The following RREB1 variants were observed in gnomAD, a reference collection of about 807,000 sequenced individuals.
RREB1 encodes ras-responsive element-binding protein 1.
RREB1 carries 27 observed loss-of-function variants against 117.8 expected under a neutral mutation model. That is an observed-to-expected ratio of 0.23 (90% CI 0.17 to 0.32). The LOEUF is 0.32. RREB1 is among the 10% of genes least tolerant of loss of function. RREB1 has a pLI of 1.00. For missense variants in RREB1, 2,577 were observed against 2,378.2 expected, an observed-to-expected ratio of 1.08 and a Z score of -1.74; for synonymous variants, 1,298 against 1,026.7, an observed-to-expected ratio of 1.26 and a Z score of -5.05.
At chr6:7,241,124 A>G (rs1768681145) in intron 11 of RREB1, among the ~76,000 whole-genome samples, 1 of 152,068 alleles carries the variant, frequency 6.6e-6, no homozygotes, top group African/African-American at 2.4e-5. Context: ...TGTTTGAAAA[A>G]GCACTGTGCA....
At chr6:7,221,833 A>G (rs977564548) in intron 8 of RREB1, among the ~76,000 whole-genome samples, 2 of 152,328 alleles carry the variant, frequency 1.3e-5, no homozygotes, top group Middle Eastern at 3.4e-3. Context: ...AGAAGAGAGA[A>G]CATGTTCCTT....
intron 1 of RREB1, among the ~76,000 whole-genome samples, chr6:7,123,043 C>T (rs1581412131): frequency 6.6e-6 from 1 of 152,104 alleles, no homozygotes; most frequent in Non-Finnish European, 1.5e-5. Flanking sequence ...TGGTGTTGCC[C>T]CTCGGGTCCC....
rs767414567 is a variant in RREB1, at chr6:7,229,481, G to A, written c.1382G>A (p.Gly461Asp). ...DSSIVVKPIS[G>D]ESAIELADIQ... ...AGCATTGTGGTCAAGCCCATCTCTG[G>A]CGAGTCGGCCATCGAGCTGGCAGAC... The change falls in exon 10 of 13, where the codon GGC becomes GAC. Residue 461 changes from glycine (G) to aspartate (D), a missense_variant. Coordinates refer to ENST00000379938, the MANE Select transcript of RREB1 (RefSeq NM_001003699.4). The surrounding 1 kb of genome is among the most constrained non-coding windows in gnomAD (Gnocchi z 4.5). The A allele has an allele frequency of 6.2e-7, 1 of 1,614,158 alleles. No individual in the cohort carries two copies.
At position 7,229,498 on chromosome 6, in the gene RREB1, C is replaced by T. The variant is rs777888709; in HGVS notation, c.1399C>T (p.Leu467=). The change falls in exon 10 of 13, where the codon CTG becomes TTG. Residue 467 remains leucine, a synonymous_variant. Coordinates refer to ENST00000379938, the MANE Select transcript of RREB1 (RefSeq NM_001003699.4). The surrounding 1 kb of genome is among the most constrained non-coding windows in gnomAD (Gnocchi z 4.5). ...CATCTCTGGCGAGTCGGCCATCGAG[C>T]TGGCAGACATCCAGCAAATTCTGAA... The part of the protein sequence containing the change: ...KPISGESAIE[L]ADIQQILKMA... The T allele has an allele frequency of 1.2e-5, 19 of 1,614,192 alleles. No homozygotes were observed. In the South Asian group the frequency reaches 2.1e-4, roughly 18 times the overall value.
At chr6:7,161,083 G>A (rs936854456) in intron 1 of RREB1, among the ~76,000 whole-genome samples, 4 of 151,824 alleles carry the variant, frequency 2.6e-5, no homozygotes, top group African/African-American at 7.3e-5. Context: ...CTCTCGCCTC[G>A]GCCTTGCAAA....
intron 4 of RREB1, 141 bp downstream of exon 4, chr6:7,182,223 A>G (rs1006778132): frequency 2.8e-6 from 2 of 715,760 alleles, no homozygotes; most frequent in African/African-American, 3.6e-5. Flanking sequence ...TCATTTTTCA[A>G]GGGCAAAATT....
intron 10 of RREB1, among the ~76,000 whole-genome samples, chr6:7,236,320 C>T (rs567608075): frequency 6.4e-4 from 98 of 152,284 alleles, no homozygotes; most frequent in Non-Finnish European, 1.2e-3. Flanking sequence ...CTTACTTTCT[C>T]ATGGGTGCTT....
At chr6:7,210,746 A>C (rs926016344) in intron 6 of RREB1, 58 bp from the exon 7 acceptor site, 1 of 1,500,692 alleles carries the variant, frequency 6.7e-7, no homozygotes, top group African/African-American at 1.4e-5. Context: ...AATATTAAAA[A>C]CATAAATGAA....
intron 1 of RREB1, among the ~76,000 whole-genome samples, chr6:7,142,372 C>T (rs1192879140): frequency 2.0e-5 from 3 of 152,200 alleles, no homozygotes; most frequent in African/African-American, 4.8e-5. Context: ...CCGGGTGCGT[C>T]CCCCCGCAAA....
Position 7,231,806 on chromosome 6 carries a change from G to A in RREB1, c.3707G>A (p.Arg1236Gln), listed in dbSNP as rs374868150. Residue 1236 changes from arginine to glutamine, a missense_variant, in exon 10 of 13, where the codon CGG (arginine) becomes CAG (glutamine). Coordinates refer to ENST00000379938, the MANE Select transcript of RREB1 (RefSeq NM_001003699.4). ...GAAGACAAGCTGCTGAGGGCCAAGCGGAACTCGTACACCAACTGCCTGCAG... is the reference window on the plus strand; with the variant it reads ...GAAGACAAGCTGCTGAGGGCCAAGCAGAACTCGTACACCAACTGCCTGCAG... ...PPEDKLLRAK[R>Q]NSYTNCLQKI... 7.9e-5 allele frequency: 128 copies of A among 1,613,652 alleles called. No individual in the cohort carries two copies. The highest frequency in any genetic ancestry group is 9.4e-5 in the Non-Finnish European group (111 of 1,180,012).
At chr6:7,200,410 C>T (rs1262755572) in intron 6 of RREB1, among the ~76,000 whole-genome samples, 1 of 151,806 alleles carries the variant, frequency 6.6e-6, no homozygotes, top group Non-Finnish European at 1.5e-5. Flanking sequence ...GCTGGGATAA[C>T]AGGCATGCGC....
In RREB1 at chr6:7,242,711, G is replaced by A. The variant is rs200894075; in HGVS notation, c.3973+2109G>A. 4.6e-5 allele frequency among the ~76,000 whole-genome samples: 7 copies of A among 150,696 alleles called. No individual in the cohort carries two copies. In the East Asian group the frequency reaches 1.4e-3, roughly 29 times the overall value. ...ACCACTTAAAAAAAAGGGGGGGGGG[G>A]AAGGAAATGACCAAGGAGGTCCTTG... On this transcript the variant is annotated intron_variant, in intron 11 of 12. Coordinates refer to ENST00000379938, the MANE Select transcript of RREB1 (RefSeq NM_001003699.4).
chr6:7,168,923 A>T lies in RREB1; in HGVS notation c.-284-7732A>T, dbSNP rs1250808117. On this transcript the variant is annotated intron_variant, in intron 1 of 12. Coordinates refer to ENST00000379938, the MANE Select transcript of RREB1 (RefSeq NM_001003699.4). Reference sequence around the variant, plus strand: ...TAGCAAATAACCTAATCATTACCTTACAAGATGTGGGGGAGGATTAAATAT... The same window carrying T: ...TAGCAAATAACCTAATCATTACCTTTCAAGATGTGGGGGAGGATTAAATAT... 4.1e-5 allele frequency among the ~76,000 whole-genome samples: 6 copies of T among 148,122 alleles called. No homozygotes were observed. In the East Asian group the frequency reaches 9.6e-4, roughly 24 times the overall value.
chr6:7,158,862 ACT>A (rs1181351342), intron 1 of RREB1, among the ~76,000 whole-genome samples: 4 of 150,592 alleles, frequency 2.7e-5, no homozygotes, highest in Admixed American at 2.7e-4. Flanking sequence ...TTTTTTTCAG[ACT>A]CTTTTTTTTT....
Position 7,229,386 on chromosome 6 carries a change from G to A in RREB1, c.1287G>A (p.Ala429=), listed in dbSNP as rs12192672. The change falls in exon 10 of 13, where the codon GCG becomes GCA. Residue 429 remains alanine, a synonymous_variant. Transcript: ENST00000379938. The surrounding 1 kb of genome is among the most constrained non-coding windows in gnomAD (Gnocchi z 4.5). ...SLGGSLTVLP[A]TKDSIKHLSL... ...GCGGTTCTCTCACAGTTCTCCCCGC[G>A]ACCAAGGACAGCATAAAGCACCTGT... The A allele has an allele frequency of 0.27, 438,264 of 1,613,714 alleles. 63,714 individuals carry two copies. Among genetic ancestry groups the A allele is most frequent in the African/African-American group, 0.31 (23,448 of 74,922 alleles).
intron 10 of RREB1, among the ~76,000 whole-genome samples, chr6:7,234,215 T>G (rs1043437795): frequency 6.6e-6 from 1 of 152,206 alleles, no homozygotes; most frequent in African/African-American, 2.4e-5. Flanking sequence ...AGGTGCCCCT[T>G]ATAGCAATGT....
chr6:7,189,366 G>C, intron 6 of RREB1, 44 bp downstream of exon 6: 1 of 1,522,976 alleles, frequency 6.6e-7, no homozygotes, highest in Non-Finnish European at 8.9e-7. Context: ...CTGGTACTTG[G>C]AGGTTGGCAG....
At chr6:7,238,526 C>T (rs1482291281) in intron 10 of RREB1, among the ~76,000 whole-genome samples, 1 of 152,174 alleles carries the variant, frequency 6.6e-6, no homozygotes, top group Non-Finnish European at 1.5e-5. Context: ...CGTGAGCCAC[C>T]GCACATGACC....
chr6:7,231,233 T>C lies in RREB1; in HGVS notation c.3134T>C (p.Leu1045Pro). ...LLSGTALLRP[L>P]RPKPPLLLPK... ...AGTGGCACAGCCTTGCTGCGTCCAC[T>C]GCGGCCCAAGCCCCCGCTGCTTTTG... The change falls in exon 10 of 13, where the codon CTG becomes CCG. Residue 1045 changes from leucine to proline, a missense_variant. Physicochemically the swap from Leu to Pro is moderately conservative, Grantham distance 98 (BLOSUM62 -3). Coordinates refer to ENST00000379938, the MANE Select transcript of RREB1 (RefSeq NM_001003699.4). The C allele has an allele frequency of 6.2e-7, 1 of 1,612,648 alleles. No individual in the cohort carries two copies. Among genetic ancestry groups the C allele is most frequent in the Non-Finnish European group, 8.5e-7 (1 of 1,179,794 alleles).
Sources: gnomAD v4.1 joint callset for allele counts (sites outside exome capture counted in the v4.1 genomes callset) on GRCh38, gnomAD v4.1.1 for gene constraint, Gnocchi (gnomAD v3.1) non-coding constraint, MANE v1.5 for transcripts, NCBI Gene and HGNC (gene_info 2026-07-23, HGNC 2026-07-21) for gene names.